DNAH14: variants seen among roughly 807,000 people sequenced by gnomAD.
DNAH14 encodes axonemal beta dynein heavy chain 14.
Under a neutral mutation model 520.9 loss-of-function variants are expected in DNAH14, and 478 were observed. The observed-to-expected ratio is 0.92, with a 90% CI of 0.85 to 0.99. The LOEUF (loss-of-function observed/expected upper bound fraction) is 0.99. Among genes scored for constraint, DNAH14 ranks in the 50% least tolerant of loss-of-function variants. The pLI, the probability that DNAH14 is intolerant of heterozygous loss-of-function variation, is 0.00. For missense variants in DNAH14, 4,831 were observed against 5,234.5 expected, an observed-to-expected ratio of 0.92 and a Z score of 2.38; for synonymous variants, 1,581 against 1,757.2, an observed-to-expected ratio of 0.90 and a Z score of 2.51.
At chr1:225,127,725 T>C (rs542381496) in intron 27 of DNAH14, among the ~76,000 whole-genome samples, 2 of 152,280 alleles carry the variant, frequency 1.3e-5, no homozygotes, top group Non-Finnish European at 2.9e-5. Context: ...GTTAATATTG[T>C]TATGTGTGAC....
At chr1:225,251,807 A>G (rs2092564061) in intron 43 of DNAH14, among the ~76,000 whole-genome samples, 1 of 152,210 alleles carries the variant, frequency 6.6e-6, no homozygotes, top group Non-Finnish European at 1.5e-5. Context: ...TTCAAGTGGT[A>G]AATAAGAATA....
rs144348784 is a variant in DNAH14, at chr1:225,170,574, C to T, written c.5535+2546C>T. Among the ~76,000 whole-genome samples the T allele has an allele frequency of 9.7e-3, 1,480 of 152,226 alleles. 11 individuals carry two copies. Among genetic ancestry groups the T allele is most frequent in the Non-Finnish European group, 0.014 (953 of 68,014 alleles). On this transcript the variant is annotated intron_variant, in intron 36 of 85. Coordinates refer to ENST00000682510, the MANE Select transcript of DNAH14 (RefSeq NM_001367479.1). ...AATACAACAAGAAGACCTAACTATCCTAAATATATATGCAGCCAATACAGG... is the reference window on the plus strand; with the variant it reads ...AATACAACAAGAAGACCTAACTATCTTAAATATATATGCAGCCAATACAGG...
Position 225,023,680 on chromosome 1 carries a change from T to C in DNAH14, c.1173T>C (p.His391=). ...AACTCTCTGAAGATGACACAACACATTTCAAGCTGCCTAAATATAGACGTT... is the reference window on the plus strand; with the variant it reads ...AACTCTCTGAAGATGACACAACACACTTCAAGCTGCCTAAATATAGACGTT... ...ESKLSEDDTT[H]FKLPKYRRLL... is the part of the protein sequence containing the mutation. Residue 391 remains histidine (H), a synonymous_variant, in exon 11 of 86, where the codon CAT becomes CAC. Coordinates refer to ENST00000682510, the MANE Select transcript of DNAH14 (RefSeq NM_001367479.1). 6.4e-7 allele frequency: 1 copy of C among 1,550,676 alleles called. No homozygotes were observed. The highest frequency in any genetic ancestry group is 8.7e-7 in the Non-Finnish European group (1 of 1,146,414).
intron 2 of DNAH14, among the ~76,000 whole-genome samples, chr1:224,953,289 AT>A (rs1048666411): frequency 1.3e-5 from 2 of 151,488 alleles, no homozygotes; most frequent in African/African-American, 2.4e-5. Context: ...CACCTGGCTA[AT>A]TTTTTTTGTA....
rs368651990 is a variant in DNAH14 at position 225,115,512 on chromosome 1, G to A, written c.3868-2172G>A. Among the ~76,000 whole-genome samples the A allele has an allele frequency of 2.3e-4, 35 of 152,150 alleles. No homozygotes were observed. In the East Asian group the frequency reaches 3.7e-3, roughly 16 times the overall value. On this transcript the variant is annotated intron_variant, in intron 23 of 85. Coordinates refer to ENST00000682510, the MANE Select transcript of DNAH14 (RefSeq NM_001367479.1). The stretch of plus-strand genomic sequence containing the variant: ...CAAGATTTTTATTCAGGCATTAATT[G>A]CTTTTGCTTACTGAACACAAGTAAC...
intron 18 of DNAH14, 85 bp from the exon 19 acceptor site, chr1:225,080,294 T>C: frequency 6.8e-6 from 9 of 1,318,982 alleles, no homozygotes; most frequent in Non-Finnish European, 8.1e-6. Context: ...GCCTAGATTA[T>C]ATACTAAAAT....
chr1:225,228,161 T>G (rs2090733674), intron 41 of DNAH14, among the ~76,000 whole-genome samples: 1 of 152,198 alleles, frequency 6.6e-6, no homozygotes, highest in Non-Finnish European at 1.5e-5. Context: ...TCAGCCATAG[T>G]CATCTTGGCA....
chr1:225,161,170 C>G (rs190594832), intron 35 of DNAH14, among the ~76,000 whole-genome samples: 5 of 152,240 alleles, frequency 3.3e-5, no homozygotes, highest in Middle Eastern at 3.4e-3. Flanking sequence ...CCCACTCCCC[C>G]ACTACCCTGC....
intron 10 of DNAH14, among the ~76,000 whole-genome samples, chr1:225,022,503 A>T (rs1312991061): frequency 6.6e-6 from 1 of 152,184 alleles, no homozygotes; most frequent in Admixed American, 6.6e-5. Flanking sequence ...TATTAAAAAT[A>T]TGACCACCAA....
chr1:225,393,499 C>T (rs1250798827), intron 84 of DNAH14, among the ~76,000 whole-genome samples: 1 of 152,226 alleles, frequency 6.6e-6, no homozygotes, highest in Non-Finnish European at 1.5e-5. Flanking sequence ...TGCATGGATG[C>T]ATTCCTCTAC....
At chr1:225,305,567 T>C (rs1024610164) in intron 58 of DNAH14, among the ~76,000 whole-genome samples, 2 of 152,140 alleles carry the variant, frequency 1.3e-5, no homozygotes, top group African/African-American at 4.8e-5. Flanking sequence ...ATTGAGAAAC[T>C]ATCTTATGAC....
chr1:225,078,281 A>G (rs934693009), intron 17 of DNAH14, among the ~76,000 whole-genome samples: 4 of 152,212 alleles, frequency 2.6e-5, no homozygotes, highest in Admixed American at 6.5e-5. Context: ...CTGTGCAATT[A>G]GAAAAAATAC....
At chr1:225,181,723 A>G (rs2084029133) in intron 36 of DNAH14, among the ~76,000 whole-genome samples, 2 of 152,154 alleles carry the variant, frequency 1.3e-5, no homozygotes, top group Non-Finnish European at 1.5e-5. Context: ...AGTTGCTTAT[A>G]GATTTTTGAT....
At chr1:225,185,887 T>C (rs911305304) in intron 37 of DNAH14, among the ~76,000 whole-genome samples, 8 of 151,224 alleles carry the variant, frequency 5.3e-5, no homozygotes, top group African/African-American at 1.9e-4. Flanking sequence ...ATATTTGATC[T>C]TGGTCACTGA....
intron 39 of DNAH14, among the ~76,000 whole-genome samples, chr1:225,204,928 C>T (rs1265652184): frequency 1.3e-5 from 2 of 152,144 alleles, no homozygotes; most frequent in Non-Finnish European, 2.9e-5. Context: ...CCATTGGTTT[C>T]CTTCATGGGA....
At chr1:225,391,507 T>C (rs981157152) in intron 83 of DNAH14, among the ~76,000 whole-genome samples, 3 of 152,072 alleles carry the variant, frequency 2.0e-5, no homozygotes, top group Non-Finnish European at 2.9e-5. Flanking sequence ...TCTGCTTTAT[T>C]CTCCAGGCAA....
intron 77 of DNAH14, 25 bp from the exon 78 acceptor site, chr1:225,374,663 A>ATTATTT (rs1209863039): frequency 1.3e-6 from 2 of 1,521,536 alleles, no homozygotes; most frequent in African/African-American, 2.8e-5. Context: ...TACTGAAATA[A>ATTATTT]TAAAGACTCA....
rs138783835 is a variant in DNAH14 at position 225,055,739 on chromosome 1, T to C, written c.2424+3944T>C. ...TGTGATGTTCCCCTTCCTGTTTCCA[T>C]GTGTTCTCGTTGTTCAGTTCCCACC... On this transcript the variant is annotated intron_variant, in intron 17 of 85. Coordinates refer to ENST00000682510, the MANE Select transcript of DNAH14 (RefSeq NM_001367479.1). Among the ~76,000 whole-genome samples the C allele has an allele frequency of 3.9e-3, 557 of 141,802 alleles. 3 individuals are homozygous for C. The highest frequency in any genetic ancestry group is 0.014 in the African/African-American group (526 of 38,244). 93.0% of individuals were successfully genotyped at this position (141,802 alleles called of 152,430 possible).
At chr1:225,062,317 AG>A (rs2070265999) in intron 17 of DNAH14, among the ~76,000 whole-genome samples, 1 of 152,018 alleles carries the variant, frequency 6.6e-6, no homozygotes, top group Admixed American at 6.6e-5. Context: ...AGAGAGAGAG[AG>A]AAAGAAAGAG....
Sources: gnomAD v4.1 joint callset for allele counts (sites outside exome capture counted in the v4.1 genomes callset) on GRCh38, gnomAD v4.1.1 for gene constraint, MANE v1.5 for transcripts, NCBI Gene and HGNC (gene_info 2026-07-23, HGNC 2026-07-21) for gene names.